The following INPP5D variants were observed in gnomAD, a reference collection of about 807,000 sequenced individuals.
INPP5D encodes the protein phosphatidylinositol 3,4,5-trisphosphate 5-phosphatase 1.
Under a neutral mutation model 122.9 loss-of-function variants are expected in INPP5D, and 33 were observed. That is an observed-to-expected ratio of 0.27 (90% CI 0.20 to 0.36). INPP5D has a LOEUF of 0.36. INPP5D is among the 10% of genes least tolerant of loss of function. INPP5D has a pLI of 1.00. For missense variants in INPP5D, 1,053 were observed against 1,412.7 expected (o/e 0.75, Z 4.08); for synonymous variants, 584 against 576.2 (o/e 1.01, Z -0.19).
At chr2:233,087,134 A>C (rs1691874629) in intron 2 of INPP5D, among the ~76,000 whole-genome samples, 1 of 152,056 alleles carries the variant, frequency 6.6e-6, no homozygotes, top group South Asian at 2.1e-4. Flanking sequence ...TTCCGGGTCT[A>C]ATTGTGTCTG....
chr2:233,065,233 C>T (rs1308592838), intron 1 of INPP5D, among the ~76,000 whole-genome samples: 1 of 151,154 alleles, frequency 6.6e-6, no homozygotes, highest in Non-Finnish European at 1.5e-5. Flanking sequence ...TAGGCTCCAG[C>T]TTTGATGCTT....
In INPP5D at chr2:233,170,420, G is replaced by GC. The variant is rs1694463186; in HGVS notation, c.1792-71dup. On this transcript the variant is annotated intron_variant, in intron 15 of 26. Transcript: ENST00000445964. This position sits in a 1 kb window ranked among gnomAD's most constrained non-coding sequence, Gnocchi z 4.5. Reference sequence around the variant, plus strand: ...TGCAGCCCGGGTCATCCAGCTGCCCGCCCCCAGCCCCGAAGCTTGTCAGGC... The same window carrying GC: ...TGCAGCCCGGGTCATCCAGCTGCCCGCCCCCCAGCCCCGAAGCTTGTCAGGC... 1.9e-6 allele frequency: 3 copies of GC among 1,590,546 alleles called. No homozygotes were observed. The highest frequency in any genetic ancestry group is 1.7e-6 in the Non-Finnish European group (2 of 1,167,654).
At chr2:233,158,212 G>C (rs1694105467) in intron 9 of INPP5D, 101 bp from the exon 10 acceptor site, 1 of 607,260 alleles carries the variant, frequency 1.6e-6, no homozygotes, top group Non-Finnish European at 3.0e-6. Flanking sequence ...GGCTCAGCTT[G>C]GGGACGGGAG....
At chr2:233,084,895 C>A (rs1277959950) in intron 2 of INPP5D, among the ~76,000 whole-genome samples, 1 of 152,246 alleles carries the variant, frequency 6.6e-6, no homozygotes, top group African/African-American at 2.4e-5. Flanking sequence ...CTCTGACACT[C>A]ACCTTCTAGA....
chr2:233,094,895 G>A (rs4289181), intron 2 of INPP5D, among the ~76,000 whole-genome samples: 107,065 of 152,076 alleles, frequency 0.7, 37,924 homozygotes, highest in Middle Eastern at 0.8. Flanking sequence ...TAATGTCTGG[G>A]TGCAGTGAGG....
intron 17 of INPP5D, among the ~76,000 whole-genome samples, chr2:233,174,149 G>A (rs534626580): frequency 9.8e-5 from 15 of 152,344 alleles, no homozygotes; most frequent in African/African-American, 3.4e-4. Flanking sequence ...TTTCTTATAA[G>A]TAGGAATACA....
intron 2 of INPP5D, among the ~76,000 whole-genome samples, chr2:233,095,345 C>T (rs544332255): frequency 3.3e-5 from 5 of 152,288 alleles, no homozygotes; most frequent in South Asian, 2.1e-4. Flanking sequence ...CTTGGCCAGG[C>T]GCAGTGGCCC....
chr2:233,083,172 G>T (rs1480930739), intron 2 of INPP5D, among the ~76,000 whole-genome samples: 1 of 152,244 alleles, frequency 6.6e-6, no homozygotes, highest in African/African-American at 2.4e-5. Flanking sequence ...GAAACTGCTG[G>T]AAAGTAGAGA....
Position 233,094,712 on chromosome 2 carries a change from G to A in INPP5D, c.198+15314G>A, listed in dbSNP as rs531359064. Among the ~76,000 whole-genome samples, 7 of 151,994 alleles carry A rather than the reference G, an allele frequency of 4.6e-5. No homozygotes were observed. The South Asian group carries it at 1.2e-3, about 27-fold the overall frequency. On this transcript the variant is annotated intron_variant, in intron 2 of 26. Coordinates refer to ENST00000445964, the MANE Select transcript of INPP5D (RefSeq NM_001017915.3). ...ATGTGGACAATCAGGTCCCAGACCCGGGAATTCAGAATCAGCGTTTGAACA... is the reference window on the plus strand; with the variant it reads ...ATGTGGACAATCAGGTCCCAGACCCAGGAATTCAGAATCAGCGTTTGAACA...
At chr2:233,161,905 G>T (rs1694208599) in intron 11 of INPP5D, 79 bp downstream of exon 11, 16 of 1,525,428 alleles carry the variant, frequency 1.0e-5, no homozygotes, top group Non-Finnish European at 1.4e-5. Flanking sequence ...AGGTGGGGTG[G>T]AGTGACGACA....
At chr2:233,130,730 T>C in intron 5 of INPP5D, 82 bp downstream of exon 5, 2 of 1,440,890 alleles carry the variant, frequency 1.4e-6, no homozygotes, top group Non-Finnish European at 1.9e-6. Context: ...CCTCTGCCTC[T>C]GCCTGGCTGA....
intron 2 of INPP5D, among the ~76,000 whole-genome samples, chr2:233,107,806 G>T (rs1041669418): frequency 6.6e-6 from 1 of 152,048 alleles, no homozygotes; most frequent in Non-Finnish European, 1.5e-5. Flanking sequence ...CCCAGCTGGC[G>T]GGTGGTTGGA....
In INPP5D at chr2:233,188,223, G is replaced by A. The variant is rs375301657; in HGVS notation, c.2359-1627G>A. On this transcript the variant is annotated intron_variant, in intron 21 of 26. Transcript: ENST00000445964. The surrounding 1 kb of genome is among the most constrained non-coding windows in gnomAD (Gnocchi z 4.7). Reference sequence around the variant, plus strand: ...CCACAGGACTGCAGGGGCCTTCACCGTCTCCTGCTCCCTGACCCCCGCCCC... The same window carrying A: ...CCACAGGACTGCAGGGGCCTTCACCATCTCCTGCTCCCTGACCCCCGCCCC... Among the ~76,000 whole-genome samples the A allele has an allele frequency of 2.0e-5, 3 of 151,976 alleles. No homozygotes were observed. The highest frequency in any genetic ancestry group is 1.9e-4 in the East Asian group (1 of 5,174).
chr2:233,183,280 G>A lies in INPP5D; in HGVS notation c.2161+781G>A, dbSNP rs141160764. On this transcript the variant is annotated intron_variant, in intron 19 of 26. Transcript: ENST00000445964. This position sits in a 1 kb window ranked among gnomAD's most constrained non-coding sequence, Gnocchi z 4.6. Reference sequence around the variant, plus strand: ...CTGGGCTCCTTTAGGAAGACCAAGCGTAGGGGACCCAAATACAGGGAAAGA... The same window carrying A: ...CTGGGCTCCTTTAGGAAGACCAAGCATAGGGGACCCAAATACAGGGAAAGA... Among the ~76,000 whole-genome samples, 191 of 152,266 alleles carry A rather than the reference G, an allele frequency of 1.3e-3. No homozygotes were observed. The East Asian group carries it at 0.03, about 24-fold the overall frequency.
chr2:233,110,642 C>A (rs907138137), intron 2 of INPP5D, among the ~76,000 whole-genome samples: 1 of 152,134 alleles, frequency 6.6e-6, no homozygotes, highest in Non-Finnish European at 1.5e-5. Context: ...GTTATTTAGG[C>A]CGGGTGCAGT....
At chr2:233,166,474 C>CAGAGG (rs2106298490) in intron 13 of INPP5D, among the ~76,000 whole-genome samples, 1 of 152,290 alleles carries the variant, frequency 6.6e-6, no homozygotes, top group South Asian at 2.1e-4. Flanking sequence ...GGTCAGGGGC[C>CAGAGG]TCCCTGAGAA....
intron 2 of INPP5D, among the ~76,000 whole-genome samples, chr2:233,093,182 C>T (rs1041595439): frequency 3.3e-5 from 5 of 152,064 alleles, no homozygotes; most frequent in African/African-American, 7.2e-5. Flanking sequence ...AGGATTACGG[C>T]AGATTAATAT....
intron 5 of INPP5D, among the ~76,000 whole-genome samples, chr2:233,132,976 C>T (rs1418273522): frequency 6.7e-6 from 1 of 150,150 alleles, no homozygotes; most frequent in African/African-American, 2.4e-5. Context: ...GCAGCCTCAA[C>T]CTCCTGGGCT....
At chr2:233,202,593 T>A (rs1361168915) in intron 25 of INPP5D, among the ~76,000 whole-genome samples, 1 of 152,130 alleles carries the variant, frequency 6.6e-6, no homozygotes, top group Non-Finnish European at 1.5e-5. Context: ...AGCTTCTCAG[T>A]GCACATCCCA....
Sources: gnomAD v4.1 joint callset for allele counts (sites outside exome capture counted in the v4.1 genomes callset) on GRCh38, gnomAD v4.1.1 for gene constraint, Gnocchi (gnomAD v3.1) non-coding constraint, MANE v1.5 for transcripts, NCBI Gene and HGNC (gene_info 2026-07-23, HGNC 2026-07-21) for gene names.